The following PLPP3 variants were observed in gnomAD, a reference collection of about 807,000 sequenced individuals.
PLPP3 encodes the protein PAP2 beta.
A neutral mutation model predicts 29.6 loss-of-function variants in PLPP3; 6 were observed. The ratio of observed to expected loss-of-function variants is 0.20; its 90% CI spans 0.11 to 0.40. The LOEUF (loss-of-function observed/expected upper bound fraction) is 0.40. Among genes scored for constraint, PLPP3 ranks in the 10% least tolerant of loss-of-function variants. The pLI, the probability that PLPP3 is intolerant of heterozygous loss-of-function variation, is 1.00. For missense variants in PLPP3, 308 were observed against 407.7 expected (o/e 0.76, Z 2.11); for synonymous variants, 152 against 159.7 (o/e 0.95, Z 0.36).
chr1:56,551,619 A>G (rs1186487395), intron 1 of PLPP3, among the ~76,000 whole-genome samples: 1 of 152,180 alleles, frequency 6.6e-6, no homozygotes, highest in Non-Finnish European at 1.5e-5. Context: ...AATCTCTCCT[A>G]TCATACCCCA....
chr1:56,516,558 T>C (rs1645781993), intron 4 of PLPP3, among the ~76,000 whole-genome samples: 1 of 152,174 alleles, frequency 6.6e-6, no homozygotes, highest in Non-Finnish European at 1.5e-5. Context: ...TCTTCTAGTC[T>C]ACTGCTGACA....
intron 1 of PLPP3, among the ~76,000 whole-genome samples, chr1:56,551,502 A>G (rs1003658388): frequency 6.6e-6 from 1 of 152,126 alleles, no homozygotes; most frequent in Non-Finnish European, 1.5e-5. Context: ...CGTGGTAAGC[A>G]GCCTGCCTCG....
intron 1 of PLPP3, among the ~76,000 whole-genome samples, chr1:56,540,552 T>C (rs1422389073): frequency 6.6e-6 from 1 of 152,198 alleles, no homozygotes; most frequent in African/African-American, 2.4e-5. Context: ...TGCCTATGGC[T>C]TGGGGAGGGT....
chr1:56,567,376 T>C (rs927720615), intron 1 of PLPP3, among the ~76,000 whole-genome samples: 4 of 151,916 alleles, frequency 2.6e-5, no homozygotes, highest in African/African-American at 9.7e-5. Flanking sequence ...CATGTCTGCA[T>C]TAATCTTAAG....
At chr1:56,528,030 C>T (rs1400509316) in intron 2 of PLPP3, among the ~76,000 whole-genome samples, 2 of 152,148 alleles carry the variant, frequency 1.3e-5, no homozygotes, top group African/African-American at 2.4e-5. Flanking sequence ...CTCATTTCTG[C>T]CTCAGTCAGC....
chr1:56,536,615 C>T (rs958529117), intron 2 of PLPP3, among the ~76,000 whole-genome samples: 6 of 152,166 alleles, frequency 3.9e-5, no homozygotes, highest in Admixed American at 2.0e-4. Context: ...AACTGCCTAT[C>T]CCCTTGAGCA....
chr1:56,535,615 T>C (rs1289407000), intron 2 of PLPP3, among the ~76,000 whole-genome samples: 2 of 152,154 alleles, frequency 1.3e-5, no homozygotes, highest in Non-Finnish European at 2.9e-5. Flanking sequence ...CACATTTTTT[T>C]CTAAGAAATG....
At chr1:56,549,314 A>G (rs1646023867) in intron 1 of PLPP3, among the ~76,000 whole-genome samples, 1 of 152,158 alleles carries the variant, frequency 6.6e-6, no homozygotes, top group Non-Finnish European at 1.5e-5. Context: ...AAAGTAAGTC[A>G]ACACTAGTCA....
chr1:56,569,586 G>T (rs1012949738), intron 1 of PLPP3, among the ~76,000 whole-genome samples: 4 of 152,098 alleles, frequency 2.6e-5, no homozygotes, highest in Non-Finnish European at 4.4e-5. Flanking sequence ...TAGGTAGTAG[G>T]TTTCTCTATG....
At chr1:56,568,137 A>G (rs371441817) in intron 1 of PLPP3, among the ~76,000 whole-genome samples, 2 of 152,184 alleles carry the variant, frequency 1.3e-5, no homozygotes, top group East Asian at 1.9e-4. Flanking sequence ...GAGATGTGGG[A>G]AGGTGGAGGA....
At chr1:56,578,623 T>C (rs1187005382) in intron 1 of PLPP3, among the ~76,000 whole-genome samples, 1 of 152,154 alleles carries the variant, frequency 6.6e-6, no homozygotes, top group Admixed American at 6.5e-5. Context: ...CGACTTTTAC[T>C]GAGCTGGTTT....
Position 56,558,259 on chromosome 1 carries a change from A to T in PLPP3, c.139+20619T>A, listed in dbSNP as rs10736393. Among the ~76,000 whole-genome samples, 15 of 152,182 alleles carry T rather than the reference A, an allele frequency of 9.9e-5. No homozygotes were observed. The East Asian group carries it at 1.5e-3, about 16-fold the overall frequency. ...CAACTTGAAATGATATTGGTTAATA[A>T]GCTCTGCTCAATCTCTCAGGTAGGT... On this transcript the variant is annotated intron_variant, in intron 1 of 5. Coordinates refer to ENST00000371250, the MANE Select transcript of PLPP3 (RefSeq NM_003713.5).
intron 1 of PLPP3, among the ~76,000 whole-genome samples, chr1:56,556,553 T>C (rs962516129): frequency 1.3e-5 from 2 of 152,168 alleles, no homozygotes; most frequent in African/African-American, 2.4e-5. Flanking sequence ...TTAGGTGGTA[T>C]AGTTTAAAGC....
At chr1:56,557,048 GAGAGAGAGAGAA>G (rs1646087463) in intron 1 of PLPP3, among the ~76,000 whole-genome samples, 1 of 7,846 alleles carries the variant, frequency 1.3e-4, no homozygotes, top group African/African-American at 2.5e-4. Flanking sequence ...GAGAGAGAGA[GAGAGAGAGAGAA>G]AGAAAGAAAG....
At chr1:56,529,182 T>C (rs1387247657) in intron 2 of PLPP3, among the ~76,000 whole-genome samples, 1 of 152,068 alleles carries the variant, frequency 6.6e-6, no homozygotes, top group Non-Finnish European at 1.5e-5. Flanking sequence ...TATAAATGAG[T>C]ATGATGAAGG....
intron 4 of PLPP3, 144 bp downstream of exon 4, chr1:56,523,679 G>T: frequency 1.1e-6 from 1 of 878,406 alleles, no homozygotes; most frequent in Non-Finnish European, 1.8e-6. Context: ...GCAGCGCTCA[G>T]AATTAAACCT....
chr1:56,527,597 CACATGACT>C (rs1236478897), intron 2 of PLPP3, among the ~76,000 whole-genome samples: 5 of 152,168 alleles, frequency 3.3e-5, no homozygotes, highest in African/African-American at 9.7e-5. Context: ...ATTTAGCAGA[CACATGACT>C]CCAGGACCAC....
At chr1:56,557,491 C>T (rs1000249531) in intron 1 of PLPP3, among the ~76,000 whole-genome samples, 3 of 152,126 alleles carry the variant, frequency 2.0e-5, no homozygotes, top group African/African-American at 7.2e-5. Context: ...TTGATAGAAT[C>T]GTATCTTTTA....
At chr1:56,519,759 T>A (rs972283037) in intron 4 of PLPP3, among the ~76,000 whole-genome samples, 9 of 151,162 alleles carry the variant, frequency 6.0e-5, no homozygotes, top group Non-Finnish European at 1.2e-4. Flanking sequence ...TTTTTTTTTT[T>A]AATTAGAACT....
Sources: gnomAD v4.1 joint callset for allele counts (sites outside exome capture counted in the v4.1 genomes callset) on GRCh38, gnomAD v4.1.1 for gene constraint, MANE v1.5 for transcripts, NCBI Gene and HGNC (gene_info 2026-07-23, HGNC 2026-07-21) for gene names.